The following PDLIM5 variants were observed in gnomAD, a reference collection of about 807,000 sequenced individuals.
The protein encoded by PDLIM5 is PDZ and LIM domain protein 5.
Under a neutral mutation model 64.2 loss-of-function variants are expected in PDLIM5, and 34 were observed. That is an observed-to-expected ratio of 0.53 (90% confidence interval 0.40 to 0.71). PDLIM5 has a LOEUF of 0.71. Among genes scored for constraint, PDLIM5 ranks in the 30% least tolerant of loss-of-function variants. The pLI is 0.00. For missense variants in PDLIM5, 683 were observed against 733.6 expected (o/e 0.93, Z 0.80); for synonymous variants, 253 against 269.1 (o/e 0.94, Z 0.59).
rs776616551 is a variant in PDLIM5 at position 94,585,719 on chromosome 4, A to T, written c.865A>T (p.Ile289Phe). 1 of 1,613,228 alleles carries T rather than the reference A, an allele frequency of 6.2e-7. No homozygotes were observed. Among genetic ancestry groups the T allele is most frequent in the East Asian group, 2.2e-5 (1 of 44,876 alleles). Residue 289 changes from isoleucine to phenylalanine, a missense_variant, in exon 6 of 13, where the codon ATC becomes TTC. Transcript: ENST00000317968. Reference sequence around the variant, plus strand: ...TCGCTCTTTCCGAATCCTTGCCCAGATCACTGGGACTGAACATTGTAAGTG... The same window carrying T: ...TCGCTCTTTCCGAATCCTTGCCCAGTTCACTGGGACTGAACATTGTAAGTG... Reference protein sequence around the residue: ...QSRSFRILAQITGTEHLKESE... With the variant: ...QSRSFRILAQFTGTEHLKESE...
intron 7 of PDLIM5, among the ~76,000 whole-genome samples, chr4:94,594,659 A>T (rs1008634016): frequency 6.6e-6 from 1 of 152,102 alleles, no homozygotes; most frequent in Non-Finnish European, 1.5e-5. Context: ...TTAAGTTAAA[A>T]AATGTTTTTC....
intron 9 of PDLIM5, among the ~76,000 whole-genome samples, chr4:94,643,302 A>G (rs1307241934): frequency 2.0e-5 from 3 of 152,206 alleles, no homozygotes; most frequent in African/African-American, 7.2e-5. Flanking sequence ...AGGAAGTTAC[A>G]TTTTAGGAAC....
At chr4:94,625,275 C>G (rs1237667653) in intron 8 of PDLIM5, among the ~76,000 whole-genome samples, 1 of 151,938 alleles carries the variant, frequency 6.6e-6, no homozygotes, top group Non-Finnish European at 1.5e-5. Flanking sequence ...CACACAACTC[C>G]CAGTTGAGCC....
Position 94,640,368 on chromosome 4 carries a change from C to T in PDLIM5, c.1201C>T (p.Gln401Ter). The T allele has an allele frequency of 6.2e-7, 1 of 1,613,272 alleles. No homozygotes were observed. Among genetic ancestry groups the T allele is most frequent in the Non-Finnish European group, 8.5e-7 (1 of 1,179,306 alleles). ...TTTGGGACAAACCCAGCCAAGTGAC[C>T]AGGACACTTTAGTGCAAAGAGCTGA... Reference protein sequence around the residue: ...SALGQTQPSDQDTLVQRAEHI... With the variant: ...SALGQTQPSD Residue 401 changes from glutamine to a stop codon, truncating the protein, a stop_gained, in exon 9 of 13, where the codon CAG (glutamine) becomes TAG (stop). Transcript: ENST00000317968. LOFTEE classifies it high-confidence loss of function.
At chr4:94,628,470 T>C (rs539247053) in intron 8 of PDLIM5, among the ~76,000 whole-genome samples, 11 of 152,330 alleles carry the variant, frequency 7.2e-5, no homozygotes, top group African/African-American at 2.6e-4. Context: ...ATAACTTGTA[T>C]TCATCATTAG....
intron 2 of PDLIM5, among the ~76,000 whole-genome samples, chr4:94,500,865 C>T (rs1727850466): frequency 6.6e-6 from 1 of 151,868 alleles, no homozygotes; most frequent in African/African-American, 2.4e-5. Flanking sequence ...CTCACTGCAC[C>T]CTCCACCTCC....
At chr4:94,637,731 A>T (rs982114606) in intron 8 of PDLIM5, among the ~76,000 whole-genome samples, 2 of 152,238 alleles carry the variant, frequency 1.3e-5, no homozygotes, top group Non-Finnish European at 2.9e-5. Flanking sequence ...TCAGGACTAC[A>T]TATAGTTTGT....
intron 11 of PDLIM5, among the ~76,000 whole-genome samples, chr4:94,659,786 C>T (rs1742530147): frequency 6.6e-6 from 1 of 151,692 alleles, no homozygotes; most frequent in South Asian, 2.1e-4. Flanking sequence ...CCTCAGCCTC[C>T]CAAAGTGCTG....
At chr4:94,585,503 G>T in intron 5 of PDLIM5, 62 bp from the exon 6 acceptor site, 1 of 922,642 alleles carries the variant, frequency 1.1e-6, no homozygotes, top group Non-Finnish European at 1.5e-6. Context: ...TTTAGTAGAA[G>T]ATATTTTATC....
chr4:94,525,089 G>A (rs1730222943), intron 3 of PDLIM5, among the ~76,000 whole-genome samples: 2 of 151,882 alleles, frequency 1.3e-5, no homozygotes, highest in South Asian at 4.2e-4. Flanking sequence ...AATTATCTTA[G>A]TCTTCCATAA....
chr4:94,477,633 A>G (rs1725441736), intron 2 of PDLIM5, among the ~76,000 whole-genome samples: 1 of 152,224 alleles, frequency 6.6e-6, no homozygotes, highest in Non-Finnish European at 1.5e-5. Flanking sequence ...AAAAAAGTTA[A>G]TACATTTTGG....
chr4:94,547,876 C>A (rs72878415), intron 3 of PDLIM5, among the ~76,000 whole-genome samples: 1 of 152,054 alleles, frequency 6.6e-6, no homozygotes, highest in African/African-American at 2.4e-5. Context: ...ATTTTCTATA[C>A]CAGAGTCATT....
chr4:94,662,311 C>A (rs1742798271), intron 11 of PDLIM5, 111 bp from the exon 12 acceptor site: 1 of 529,080 alleles, frequency 1.9e-6, no homozygotes. Context: ...TTCCTAATAT[C>A]TTTGTCTTCA....
intron 2 of PDLIM5, among the ~76,000 whole-genome samples, chr4:94,490,554 A>G (rs139170300): frequency 9.6e-4 from 146 of 152,230 alleles, no homozygotes; most frequent in African/African-American, 3.1e-3. Context: ...GATTTTGGAT[A>G]TTTCATGTAT....
intron 1 of PDLIM5, among the ~76,000 whole-genome samples, chr4:94,452,512 A>G (rs1486639107): frequency 6.6e-6 from 1 of 152,204 alleles, no homozygotes; most frequent in Non-Finnish European, 1.5e-5. Context: ...TCTCCCCCAG[A>G]TATTTACAGT....
chr4:94,587,822 T>C, intron 7 of PDLIM5: 1 of 856,528 alleles, frequency 1.2e-6, no homozygotes, highest in Non-Finnish European at 1.4e-6. Flanking sequence ...ATATAGACAA[T>C]TTCTAGGTAT....
At chr4:94,521,336 A>G (rs1389310593) in intron 2 of PDLIM5, among the ~76,000 whole-genome samples, 3 of 152,134 alleles carry the variant, frequency 2.0e-5, no homozygotes. Flanking sequence ...CTCTAGTGGA[A>G]GGCAAGTAGG....
rs74358859 is a variant in PDLIM5 at position 94,603,201 on chromosome 4, A to G, written c.921-14803A>G. ...GCACTTTGGGTATTATCCTAACTGCAGTAGGAATTTGTTGCAAGGTTTTAA... is the reference window on the plus strand; with the variant it reads ...GCACTTTGGGTATTATCCTAACTGCGGTAGGAATTTGTTGCAAGGTTTTAA... On this transcript the variant is annotated intron_variant, in intron 7 of 12. Coordinates refer to ENST00000317968, the MANE Select transcript of PDLIM5 (RefSeq NM_006457.5). Among the ~76,000 whole-genome samples, 1,109 of 152,300 alleles carry G rather than the reference A, an allele frequency of 7.3e-3. 16 individuals carry two copies. Among genetic ancestry groups the G allele is most frequent in the African/African-American group, 0.025 (1,034 of 41,562 alleles).
At chr4:94,460,701 A>T (rs1723802547) in intron 2 of PDLIM5, among the ~76,000 whole-genome samples, 1 of 152,056 alleles carries the variant, frequency 6.6e-6, no homozygotes, top group Non-Finnish European at 1.5e-5. Flanking sequence ...CTATTCATCT[A>T]CTCGTGAGTT....
Sources: allele counts gnomAD v4.1 joint callset (sites outside exome capture counted in the v4.1 genomes callset), GRCh38; gene constraint gnomAD v4.1.1; transcripts MANE v1.5; gene names NCBI Gene and HGNC (gene_info 2026-07-23, HGNC 2026-07-21).